Variants in UTY observed in about 807,000 individuals in gnomAD.
UTY encodes the protein ubiquitously transcribed tetratricopeptide repeat containing, Y-linked.
In UTY, 12 loss-of-function variants were observed where a neutral mutation model predicts 32.5. The ratio of observed to expected loss-of-function variants is 0.37; its 90% CI spans 0.24 to 0.60. The LOEUF (loss-of-function observed/expected upper bound fraction) is 0.60, where lower values mean the gene tolerates loss of function less well. Ranked by LOEUF, UTY falls within the 20% of genes least tolerant of loss-of-function variation. The probability of loss-of-function intolerance (pLI) is 0.69; values close to 1 mark genes in which losing one functional copy is unlikely to be tolerated. For missense variants in UTY, 303 were observed against 299.2 expected, an observed-to-expected ratio of 1.01 and a Z score of -0.09; for synonymous variants, 131 against 103.4, an observed-to-expected ratio of 1.27 and a Z score of -1.62.
At chrY:13,477,888 T>C (rs1045373662) in intron 2 of UTY, among the ~76,000 whole-genome samples, 3 of 34,053 alleles carry the variant, frequency 8.8e-5, no homozygotes, top group Non-Finnish European at 2.2e-4. Flanking sequence ...AAAGCTATTT[T>C]CACTTGCATA....
chrY:13,417,676 T>G, intron 4 of UTY, among the ~76,000 whole-genome samples: 1 of 33,603 alleles, frequency 3.0e-5, no homozygotes, highest in Non-Finnish European at 7.3e-5. Context: ...AAAAGGTATG[T>G]AACAGCTGAA....
At chrY:13,470,050 G>A in intron 3 of UTY, 71 bp downstream of exon 3, 1 of 207,980 alleles carries the variant, frequency 4.8e-6, no homozygotes, top group Non-Finnish European at 7.2e-6. Context: ...TATCCCTGAA[G>A]AAGGAAAAAA....
intron 8 of UTY, among the ~76,000 whole-genome samples, chrY:13,372,677 T>A: frequency 3.0e-5 from 1 of 33,234 alleles, no homozygotes; most frequent in Admixed American, 2.7e-4. Flanking sequence ...TATATGCAAA[T>A]CATGTATTTG....
intron 3 of UTY, among the ~76,000 whole-genome samples, chrY:13,463,021 C>A: frequency 3.4e-5 from 1 of 29,531 alleles, no homozygotes; most frequent in Admixed American, 3.2e-4. Context: ...CCCCCTCCCC[C>A]CAACCCCACA....
chrY:13,313,573 G>C, intron 21 of UTY, among the ~76,000 whole-genome samples: 1 of 33,690 alleles, frequency 3.0e-5, no homozygotes, highest in Non-Finnish European at 7.4e-5. Flanking sequence ...AGAAGCTGTT[G>C]ATCACTTATG....
chrY:13,372,128 T>C, intron 8 of UTY, among the ~76,000 whole-genome samples: 1 of 33,267 alleles, frequency 3.0e-5, no homozygotes, highest in Non-Finnish European at 7.4e-5. Flanking sequence ...TTGCAGAAAA[T>C]GAAAAACTCA....
intron 17 of UTY, among the ~76,000 whole-genome samples, chrY:13,349,672 A>G (rs2062200057): frequency 3.0e-5 from 1 of 33,070 alleles, no homozygotes; most frequent in Non-Finnish European, 7.4e-5. Flanking sequence ...CCACAGACCC[A>G]GAAAACTTAG....
downstream of UTY, among the ~76,000 whole-genome samples, chrY:13,245,659 A>T: frequency 8.8e-5 from 3 of 34,237 alleles, no homozygotes; most frequent in African/African-American, 3.4e-4. Context: ...TCTTCCCTGG[A>T]CTTTTAGTCT....
intron 17 of UTY, among the ~76,000 whole-genome samples, chrY:13,338,522 G>A (rs2061280802): frequency 3.7e-5 from 1 of 26,766 alleles, no homozygotes; most frequent in Non-Finnish European, 8.6e-5. Context: ...TTTCAAAAAT[G>A]GAAAAAAAAA....
At chrY:13,394,021 G>A in intron 7 of UTY, 128 bp from the exon 8 acceptor site, 3 of 108,406 alleles carry the variant, frequency 2.8e-5, no homozygotes, top group Non-Finnish European at 4.8e-5. Context: ...ATTTGACTAC[G>A]GGTGCAACTT....
chrY:13,447,530 T>C (rs746239554), intron 4 of UTY, among the ~76,000 whole-genome samples: 1 of 33,915 alleles, frequency 2.9e-5, no homozygotes, highest in African/African-American at 1.1e-4. Context: ...TGTGGTATCT[T>C]TGAAATAATC....
At chrY:13,282,775 C>G in intron 27 of UTY, among the ~76,000 whole-genome samples, 1 of 34,134 alleles carries the variant, frequency 2.9e-5, no homozygotes, top group Non-Finnish European at 7.4e-5. Flanking sequence ...CATCCTGCTA[C>G]ATTTCTTGGT....
intron 6 of UTY, among the ~76,000 whole-genome samples, chrY:13,403,903 G>C: frequency 3.1e-5 from 1 of 32,757 alleles, no homozygotes; most frequent in Admixed American, 2.8e-4. Context: ...AAAACAGTGA[G>C]AGCCAGTCTC....
At chrY:13,438,354 T>C (rs889859562) in intron 4 of UTY, among the ~76,000 whole-genome samples, 6 of 33,759 alleles carry the variant, frequency 1.8e-4, no homozygotes, top group African/African-American at 7.0e-4. Flanking sequence ...TGTGGCCTAT[T>C]TATCTAAACA....
intron 4 of UTY, among the ~76,000 whole-genome samples, chrY:13,417,195 C>G (rs2071795786): frequency 2.9e-5 from 1 of 33,920 alleles, no homozygotes; most frequent in Admixed American, 2.6e-4. Flanking sequence ...GGCATGTATT[C>G]AATGCAACAC....
chrY:13,366,677 TG>T (rs2064189332), intron 9 of UTY, among the ~76,000 whole-genome samples: 1 of 33,959 alleles, frequency 2.9e-5, no homozygotes, highest in Non-Finnish European at 7.3e-5. Flanking sequence ...AAATTTAGTT[TG>T]GAAAAAAATG....
chrY:13,418,164 G>T, intron 4 of UTY, among the ~76,000 whole-genome samples: 1 of 26,039 alleles, frequency 3.8e-5, no homozygotes, highest in Admixed American at 3.7e-4. Context: ...ACGGTGTTTG[G>T]TTTTTTGTCC....
intron 28 of UTY, among the ~76,000 whole-genome samples, chrY:13,236,638 G>A: frequency 3.1e-5 from 1 of 32,772 alleles, no homozygotes; most frequent in Non-Finnish European, 7.4e-5. Flanking sequence ...AGGTACATAG[G>A]TATAATAATC....
At chrY:13,272,049 A>T in intron 27 of UTY, among the ~76,000 whole-genome samples, 1 of 34,002 alleles carries the variant, frequency 2.9e-5, no homozygotes, top group Non-Finnish European at 7.3e-5. Context: ...TAATAAATTT[A>T]TGTGTTAGGT....
Sources: allele counts gnomAD v4.1 joint callset (sites outside exome capture counted in the v4.1 genomes callset), GRCh38; gene constraint gnomAD v4.1.1; transcripts MANE v1.5; gene names NCBI Gene and HGNC (gene_info 2026-07-23, HGNC 2026-07-21).